The following OGFRL1 variants were observed in gnomAD, a reference collection of about 807,000 sequenced individuals.
OGFRL1 encodes the protein opioid growth factor receptor like 1.
Under a neutral mutation model 32.4 loss-of-function variants are expected in OGFRL1, and 26 were observed. The observed-to-expected ratio is 0.80, with a 90% confidence interval of 0.59 to 1.11. The LOEUF is 1.11. Among genes scored for constraint, OGFRL1 ranks in the 50% most tolerant of loss-of-function variants. The probability of loss-of-function intolerance (pLI) is 0.00; values close to 1 mark genes in which losing one functional copy is unlikely to be tolerated. For synonymous variants in OGFRL1, 211 were observed against 201.2 expected, an observed-to-expected ratio of 1.05 and a Z score of -0.41; for missense variants, 521 against 546.4, an observed-to-expected ratio of 0.95 and a Z score of 0.46.
At chr6:71,298,416 C>G (rs1175875696) in intron 6 of OGFRL1, among the ~76,000 whole-genome samples, 1 of 152,144 alleles carries the variant, frequency 6.6e-6, no homozygotes, top group African/African-American at 2.4e-5. Context: ...TTAGATACCT[C>G]AAACTTGTTA....
At position 71,301,366 on chromosome 6, in the gene OGFRL1, T is replaced by G. The variant is rs752043213; in HGVS notation, c.693-20T>G. 1 of 1,530,670 alleles carries G rather than the reference T, an allele frequency of 6.5e-7. No individual in the cohort carries two copies. The highest frequency in any genetic ancestry group is 2.3e-5 in the East Asian group (1 of 44,222). The allele number at this position is 1,530,670 out of a possible 1,614,324, so 94.8% of individuals were successfully genotyped here. The stretch of plus-strand genomic sequence containing the variant: ...TACACCTGATTTCCCCCACTCATTT[T>G]ATTCAATCCTCTCTTCCAGGTCCCA... On this transcript the variant is annotated intron_variant, in intron 6 of 6. Transcript: ENST00000370435.
chr6:71,296,551 A>G lies in OGFRL1; in HGVS notation c.536A>G (p.Tyr179Cys), dbSNP rs1405975563. 2 of 1,611,990 alleles carry G rather than the reference A, an allele frequency of 1.2e-6. No individual in the cohort carries two copies. The highest frequency in any genetic ancestry group is 1.7e-6 in the Non-Finnish European group (2 of 1,179,234). ...TTCTATGCCAAAGAACTAACTACAT[A>G]TGAAATTGAGGTAATGCAAGCTCAT... Reference protein sequence around the residue: ...LNFYAKELTTYEIEEFKKTKE... With the variant: ...LNFYAKELTTCEIEEFKKTKE... Residue 179 changes from tyrosine (Y) to cysteine (C), a missense_variant, in exon 5 of 7, where the codon TAT becomes TGT. By Grantham distance (194) the Tyr-to-Cys change is radical. Transcript: ENST00000370435.
intron 6 of OGFRL1, among the ~76,000 whole-genome samples, chr6:71,300,308 A>C (rs1310139270): frequency 6.6e-6 from 1 of 152,190 alleles, no homozygotes; most frequent in Non-Finnish European, 1.5e-5. Context: ...ATGTGTAATA[A>C]AGCAAAGATT....
rs1766406883 is a variant in OGFRL1 at position 71,301,873 on chromosome 6, A to C, written c.1180A>C (p.Thr394Pro). The change falls in exon 7 of 7, where the codon ACA becomes CCA. Residue 394 changes from threonine to proline, a missense_variant. By Grantham distance (38) the Thr-to-Pro change is conservative. Transcript: ENST00000370435. ...PSNEAAKPRN[T>P]EKDSNAENMN... The stretch of plus-strand genomic sequence containing the variant: ...CAATGAAGCTGCCAAGCCAAGAAAT[A>C]CAGAGAAGGACAGTAATGCTGAGAA... 6.2e-7 allele frequency: 1 copy of C among 1,613,188 alleles called. No individual in the cohort carries two copies. Among genetic ancestry groups the C allele is most frequent in the Non-Finnish European group, 8.5e-7 (1 of 1,179,772 alleles).
intron 1 of OGFRL1, 108 bp from the exon 2 acceptor site, chr6:71,293,185 G>T: frequency 1.2e-6 from 1 of 808,380 alleles, no homozygotes; most frequent in South Asian, 1.6e-5. Context: ...TGGACAGATT[G>T]ACAATTTTCA....
At position 71,289,135 on chromosome 6, in the gene OGFRL1, C is replaced by T. The variant is rs1765956329; in HGVS notation, c.199C>T (p.Pro67Ser). ...CGGGCGGCCCGGCGCCAGCCCCGCG[C>T]CGGACGAGGACGCCGAGGCGGCGGG... ...AGGRPGASPA[P>S]DEDAEAAGAE... Residue 67 changes from proline (P) to serine (S), a missense_variant, in exon 1 of 7, where the codon CCG (proline) becomes TCG (serine). Coordinates refer to ENST00000370435, the MANE Select transcript of OGFRL1 (RefSeq NM_024576.5). 5 of 1,104,040 alleles carry T rather than the reference C, an allele frequency of 4.5e-6. No homozygotes were observed. Among genetic ancestry groups the T allele is most frequent in the Non-Finnish European group, 5.5e-6 (5 of 908,476 alleles). The allele number at this position is 1,104,040 out of a possible 1,614,324, so 68.4% of individuals were successfully genotyped here.
At chr6:71,299,113 T>A (rs1288461925) in intron 6 of OGFRL1, among the ~76,000 whole-genome samples, 18 of 152,208 alleles carry the variant, frequency 1.2e-4, no homozygotes, top group Non-Finnish European at 1.5e-5. Context: ...CTGAGCCATA[T>A]TTAGACCCTG....
intron 3 of OGFRL1, chr6:71,295,056 G>C (rs988965307): frequency 4.6e-5 from 7 of 151,998 alleles, no homozygotes; most frequent in Admixed American, 4.6e-4. Context: ...AGAAGTTTTA[G>C]CTAAGGTCAG....
chr6:71,301,537 T>C lies in OGFRL1; in HGVS notation c.844T>C (p.Tyr282His). Residue 282 changes from tyrosine (Y) to histidine (H), a missense_variant, in exon 7 of 7, where the codon TAT becomes CAT. Physicochemically the swap from Tyr to His is moderately conservative, Grantham distance 83. Coordinates refer to ENST00000370435, the MANE Select transcript of OGFRL1 (RefSeq NM_024576.5). ...CAATATTAAGCAGAGTGCTCTAGAG[T>C]ATTTTGTTTATACAATTAGAGACAG... ...IPNIKQSALE[Y>H]FVYTIRDRRE... The C allele has an allele frequency of 6.2e-7, 1 of 1,614,078 alleles. No individual in the cohort carries two copies. The highest frequency in any genetic ancestry group is 8.5e-7 in the Non-Finnish European group (1 of 1,180,018).
At position 71,293,534 on chromosome 6, in the gene OGFRL1, A is replaced by G; in HGVS notation, c.323A>G (p.Asn108Ser). 1 of 1,611,736 alleles carries G rather than the reference A, an allele frequency of 6.2e-7. No individual in the cohort carries two copies. The highest frequency in any genetic ancestry group is 1.3e-5 in the African/African-American group (1 of 74,952). ...TTGATTTATTTTTTCCTTTAGCAGA[A>G]CTTCAAAGATATCCGATATCAAAAT... is the stretch of plus-strand genomic sequence containing the variant. ...DLYKYRHQYP[N>S]FKDIRYQNDL... The change falls in exon 3 of 7, where the codon AAC (asparagine) becomes AGC (serine). Residue 108 changes from asparagine to serine, a missense_variant and splice_region_variant. By Grantham distance (46) the Asn-to-Ser change is conservative. Transcript: ENST00000370435.
Position 71,302,150 on chromosome 6 carries a change from A to C in OGFRL1, c.*101A>C. On this transcript the variant is annotated 3_prime_UTR_variant, in exon 7 of 7. Coordinates refer to ENST00000370435, the MANE Select transcript of OGFRL1 (RefSeq NM_024576.5). ...ATGAGGTCAATTTCAAATTTTAGCC[A>C]TCTGTTTGTGATTTCTGTCATAAGC... is the stretch of plus-strand genomic sequence containing the variant. 9.4e-7 allele frequency: 1 copy of C among 1,065,754 alleles called. No homozygotes were observed. The highest frequency in any genetic ancestry group is 1.3e-6 in the Non-Finnish European group (1 of 778,988). The allele number at this position is 1,065,754 out of a possible 1,614,324, so 66.0% of individuals were successfully genotyped here. A position where few individuals can be genotyped will look rare whatever the true frequency, so the allele number is the denominator to read the frequency against.
chr6:71,303,370 T>A lies in OGFRL1; in HGVS notation c.*1321T>A, dbSNP rs1001575614. On this transcript the variant is annotated 3_prime_UTR_variant, in exon 7 of 7. Coordinates refer to ENST00000370435, the MANE Select transcript of OGFRL1 (RefSeq NM_024576.5). ...AAATCTACATGGAACAGAGTGGGACTTCTAATTGTATGACTTCAAGATTTT... is the reference window on the plus strand; with the variant it reads ...AAATCTACATGGAACAGAGTGGGACATCTAATTGTATGACTTCAAGATTTT... The A allele has an allele frequency of 2.0e-5, 3 of 152,216 alleles. No individual in the cohort carries two copies. The highest frequency in any genetic ancestry group is 7.2e-5 in the African/African-American group (3 of 41,456). The allele number at this position is 152,216 out of a possible 1,614,324, so 9.4% of individuals were successfully genotyped here.
At chr6:71,299,262 T>C (rs1416455112) in intron 6 of OGFRL1, among the ~76,000 whole-genome samples, 1 of 152,192 alleles carries the variant, frequency 6.6e-6, no homozygotes, top group African/African-American at 2.4e-5. Flanking sequence ...TCTTTCTTTT[T>C]CCTATAGTGT....
At position 71,302,919 on chromosome 6, in the gene OGFRL1, C is replaced by A. The variant is rs1029598712; in HGVS notation, c.*870C>A. 3.3e-5 allele frequency: 5 copies of A among 152,206 alleles called. No homozygotes were observed. Among genetic ancestry groups the A allele is most frequent in the Non-Finnish European group, 5.9e-5 (4 of 68,056 alleles). The allele number at this position is 152,206 out of a possible 1,614,324, so 9.4% of individuals were successfully genotyped here. A position where few individuals can be genotyped will look rare whatever the true frequency, so the allele number is the denominator to read the frequency against. On this transcript the variant is annotated 3_prime_UTR_variant, in exon 7 of 7. Transcript: ENST00000370435. ...CCTTGTGGAGCTCTGGCCTCCCCAG[C>A]TTATCTATCAGTCCTGCTGTCCTCA... is the stretch of plus-strand genomic sequence containing the variant.
rs566864851 is a variant in OGFRL1 at position 71,300,627 on chromosome 6, C to T, written c.693-759C>T. On this transcript the variant is annotated intron_variant, in intron 6 of 6. Coordinates refer to ENST00000370435, the MANE Select transcript of OGFRL1 (RefSeq NM_024576.5). Reference sequence around the variant, plus strand: ...GTTTTAAATAGTATCTAGTACTTATCGAGTTCTATATACCCAGCATGTGTA... The same window carrying T: ...GTTTTAAATAGTATCTAGTACTTATTGAGTTCTATATACCCAGCATGTGTA... Among the ~76,000 whole-genome samples the T allele has an allele frequency of 1.5e-3, 227 of 152,088 alleles. 1 individual carries two copies. Among genetic ancestry groups the T allele is most frequent in the Non-Finnish European group, 2.7e-3 (183 of 67,964 alleles).
Position 71,288,841 on chromosome 6 carries a change from C to T in OGFRL1, c.-96C>T, listed in dbSNP as rs1008075561. 3.2e-6 allele frequency: 3 copies of T among 930,496 alleles called. No individual in the cohort carries two copies. The highest frequency in any genetic ancestry group is 4.8e-5 in the South Asian group (1 of 21,034). 57.6% of individuals were successfully genotyped at this position (930,496 alleles called of 1,614,324 possible). A position where few individuals can be genotyped will look rare whatever the true frequency, so the allele number is the denominator to read the frequency against. ...GGGGCGGGCGCGCCTAGGCTGCCGCCCAGCGCCCTCGCCGCGGCCATGCCC... is the reference window on the plus strand; with the variant it reads ...GGGGCGGGCGCGCCTAGGCTGCCGCTCAGCGCCCTCGCCGCGGCCATGCCC... On this transcript the variant is annotated 5_prime_UTR_variant, in exon 1 of 7. Transcript: ENST00000370435.
intron 1 of OGFRL1, chr6:71,289,526 C>T: frequency 1.9e-6 from 1 of 513,176 alleles, no homozygotes; most frequent in African/African-American, 2.3e-5. Context: ...ATTTTGACAA[C>T]CCCTCTAGTG....
At chr6:71,290,871 T>C (rs553021152) in intron 1 of OGFRL1, among the ~76,000 whole-genome samples, 157 of 152,348 alleles carry the variant, frequency 1.0e-3, no homozygotes, top group Middle Eastern at 3.4e-3. Flanking sequence ...TCAACGATTC[T>C]CTTGAGTTTG....
Position 71,293,370 on chromosome 6 carries a change from C to T in OGFRL1, c.312C>T (p.His104=). The T allele has an allele frequency of 6.2e-7, 1 of 1,613,474 alleles. No individual in the cohort carries two copies. Among genetic ancestry groups the T allele is most frequent in the Non-Finnish European group, 8.5e-7 (1 of 1,179,624 alleles). ...CCAGGGATTTGTACAAGTACCGACA[C>T]CAGTACCCAGTAAGAGTATAGAATG... is the stretch of plus-strand genomic sequence containing the variant. ...YAARDLYKYR[H]QYPNFKDIRY... Residue 104 remains histidine, a synonymous_variant, in exon 2 of 7, where the codon CAC becomes CAT. Coordinates refer to ENST00000370435, the MANE Select transcript of OGFRL1 (RefSeq NM_024576.5).
Sources: gnomAD v4.1 joint callset for allele counts (sites outside exome capture counted in the v4.1 genomes callset) on GRCh38, gnomAD v4.1.1 for gene constraint, MANE v1.5 for transcripts, NCBI Gene and HGNC (gene_info 2026-07-23, HGNC 2026-07-21) for gene names.